The following PIK3CB variants were observed in gnomAD, a reference collection of about 807,000 sequenced individuals.
PIK3CB encodes the protein phosphatidylinositol 4,5-bisphosphate 3-kinase catalytic subunit beta isoform.
In PIK3CB, 39 loss-of-function variants were observed where a neutral mutation model predicts 136.8. The ratio of observed to expected loss-of-function variants is 0.29; its 90% CI spans 0.22 to 0.37. The LOEUF is 0.37. Among genes scored for constraint, PIK3CB ranks in the 10% least tolerant of loss-of-function variants. The pLI is 1.00. For missense variants in PIK3CB, 868 were observed against 1,275.4 expected (o/e 0.68, Z 4.87); for synonymous variants, 428 against 436.6 (o/e 0.98, Z 0.25).
At chr3:138,802,304 C>CA (rs2046185502) in intron 1 of PIK3CB, among the ~76,000 whole-genome samples, 1 of 150,968 alleles carries the variant, frequency 6.6e-6, no homozygotes, top group East Asian at 2.0e-4. Context: ...TGCTTGAACC[C>CA]AGGAGGTGGA....
At chr3:138,807,927 C>G (rs72972913) in intron 1 of PIK3CB, among the ~76,000 whole-genome samples, 5,750 of 151,652 alleles carry the variant, frequency 0.038, 373 homozygotes, top group African/African-American at 0.13. Context: ...TTCCAAGATG[C>G]CTTCTCTTAC....
At chr3:138,660,494 A>ATCATTCATGGTAGAGGTTTCCC in intron 21 of PIK3CB, among the ~76,000 whole-genome samples, 1 of 152,054 alleles carries the variant, frequency 6.6e-6, no homozygotes, top group East Asian at 1.9e-4. Context: ...TTTGGTTTCT[A>ATCATTCATGGTAGAGGTTTCCC]TCTTTCATGG....
intron 19 of PIK3CB, 107 bp from the exon 20 acceptor site, chr3:138,665,310 T>G: frequency 1.4e-6 from 1 of 693,698 alleles, no homozygotes; most frequent in Non-Finnish European, 2.2e-6. Context: ...ATTATTGATA[T>G]ACTTGCCATT....
intron 4 of PIK3CB, among the ~76,000 whole-genome samples, chr3:138,749,847 C>T (rs2045433217): frequency 6.6e-6 from 1 of 152,100 alleles, no homozygotes; most frequent in South Asian, 2.1e-4. Flanking sequence ...ATAATAATTG[C>T]ATGTATTTTT....
intron 19 of PIK3CB, among the ~76,000 whole-genome samples, chr3:138,680,783 G>A (rs1461078952): frequency 6.6e-6 from 1 of 151,846 alleles, no homozygotes; most frequent in Non-Finnish European, 1.5e-5. Context: ...CGCCTCTCAG[G>A]TTCAAGCAAT....
chr3:138,826,323 T>G, intron 1 of PIK3CB: 1 of 1,597,460 alleles, frequency 6.3e-7, no homozygotes, highest in Non-Finnish European at 8.5e-7. Context: ...CTCAGAAGGC[T>G]AAATGAATAT....
chr3:138,805,658 C>A (rs1317322998), intron 1 of PIK3CB, among the ~76,000 whole-genome samples: 1 of 151,860 alleles, frequency 6.6e-6, no homozygotes, highest in Admixed American at 6.6e-5. Context: ...GGCCACAGAG[C>A]GAGACTCCGT....
chr3:138,723,495 G>A (rs2044775934), intron 8 of PIK3CB, among the ~76,000 whole-genome samples: 1 of 152,134 alleles, frequency 6.6e-6, no homozygotes, highest in African/African-American at 2.4e-5. Flanking sequence ...AGCCTGTGGT[G>A]AGCCAAGACG....
chr3:138,779,864 T>C (rs2045904269), intron 2 of PIK3CB, among the ~76,000 whole-genome samples: 1 of 152,172 alleles, frequency 6.6e-6, no homozygotes. Context: ...TTTCTTCTAA[T>C]ATACAGATAA....
chr3:138,755,231 G>A (rs2045543809), intron 4 of PIK3CB, among the ~76,000 whole-genome samples: 1 of 152,180 alleles, frequency 6.6e-6, no homozygotes, highest in Non-Finnish European at 1.5e-5. Context: ...TTCTATAGGA[G>A]CAGTTCATAA....
chr3:138,691,427 C>G (rs1207556426), intron 14 of PIK3CB, among the ~76,000 whole-genome samples: 1 of 152,176 alleles, frequency 6.6e-6, no homozygotes, highest in Non-Finnish European at 1.5e-5. Flanking sequence ...CTACTCAAAT[C>G]TCACCTCAAA....
At chr3:138,762,075 T>C (rs2045670762) in intron 2 of PIK3CB, among the ~76,000 whole-genome samples, 1 of 151,242 alleles carries the variant, frequency 6.6e-6, no homozygotes, top group African/African-American at 2.4e-5. Context: ...GGCGAAACCC[T>C]GTCTCTACTA....
At chr3:138,693,854 C>G (rs1343351462) in intron 14 of PIK3CB, among the ~76,000 whole-genome samples, 1 of 147,002 alleles carries the variant, frequency 6.8e-6, no homozygotes, top group Non-Finnish European at 1.5e-5. Context: ...ATAATGTTTG[C>G]CTCTGAGAAG....
At chr3:138,749,089 T>C (rs2045419811) in intron 4 of PIK3CB, among the ~76,000 whole-genome samples, 1 of 152,226 alleles carries the variant, frequency 6.6e-6, no homozygotes, top group Non-Finnish European at 1.5e-5. Flanking sequence ...TACATTACTC[T>C]AAATTAGCTA....
chr3:138,665,205 T>C lies in PIK3CB; in HGVS notation c.2505-2A>G. On this transcript the variant is annotated splice_acceptor_variant, in intron 19 of 23. Transcript: ENST00000674063. LOFTEE classifies it high-confidence loss of function. Reference sequence around the variant, plus strand: ...GCTAAACAGCCATAAGGCAACATCCTGGAAGGAAAAAAATGGGCATAGAGT... The same window carrying C: ...GCTAAACAGCCATAAGGCAACATCCCGGAAGGAAAAAAATGGGCATAGAGT... 6.4e-7 allele frequency: 1 copy of C among 1,573,448 alleles called. No individual in the cohort carries two copies. Among genetic ancestry groups the C allele is most frequent in the Non-Finnish European group, 8.6e-7 (1 of 1,156,136 alleles).
chr3:138,667,297 G>A (rs927674076), intron 19 of PIK3CB, among the ~76,000 whole-genome samples: 1 of 151,408 alleles, frequency 6.6e-6, no homozygotes, highest in Non-Finnish European at 1.5e-5. Flanking sequence ...ACAGAAAGAT[G>A]AGGAAGACAC....
At chr3:138,793,550 G>T (rs1399018391) in intron 2 of PIK3CB, among the ~76,000 whole-genome samples, 1 of 151,284 alleles carries the variant, frequency 6.6e-6, no homozygotes, top group Non-Finnish European at 1.5e-5. Context: ...AGGTTGCAAT[G>T]AGCCAAGATC....
chr3:138,742,363 C>T lies in PIK3CB; in HGVS notation c.621+195G>A, dbSNP rs995148977. On this transcript the variant is annotated intron_variant, in intron 5 of 23. Coordinates refer to ENST00000674063, the MANE Select transcript of PIK3CB (RefSeq NM_006219.3). ...ATTCTAAATCACCATTCCACTGTAT[C>T]AAAACAGATACGTGTACAGAATATC... Among the ~76,000 whole-genome samples the T allele has an allele frequency of 3.9e-5, 6 of 152,236 alleles. No homozygotes were observed. In the South Asian group the frequency reaches 8.3e-4, roughly 21 times the overall value.
chr3:138,784,718 C>T (rs972756160), intron 2 of PIK3CB, among the ~76,000 whole-genome samples: 2 of 152,208 alleles, frequency 1.3e-5, no homozygotes, highest in African/African-American at 4.8e-5. Context: ...GACGGAGTCT[C>T]GCTCACTCAG....
Sources: allele counts gnomAD v4.1 joint callset (sites outside exome capture counted in the v4.1 genomes callset), GRCh38; gene constraint gnomAD v4.1.1; transcripts MANE v1.5; gene names NCBI Gene and HGNC (gene_info 2026-07-23, HGNC 2026-07-21).